Variants in SLC25A16 observed in about 807,000 individuals in gnomAD.
SLC25A16 encodes mitochondrial coenzyme A transporter SLC25A16.
In SLC25A16, 39 loss-of-function variants were observed where a neutral mutation model predicts 41.5. The observed-to-expected ratio is 0.94, with a 90% CI of 0.73 to 1.23. The LOEUF (loss-of-function observed/expected upper bound fraction) is 1.23. Ranked by LOEUF, SLC25A16 falls within the 50% of genes most tolerant of loss-of-function variation. The pLI, the probability that SLC25A16 is intolerant of heterozygous loss-of-function variation, is 0.00. For missense variants in SLC25A16, 421 were observed against 426.9 expected (o/e 0.99, Z 0.12); for synonymous variants, 146 against 147.8 (o/e 0.99, Z 0.09).
At chr10:68,503,529 C>T (rs1024327710) in intron 4 of SLC25A16, 103 bp downstream of exon 4, 1 of 681,738 alleles carries the variant, frequency 1.5e-6, no homozygotes, top group Non-Finnish European at 2.5e-6. Flanking sequence ...AGGACACCTG[C>T]AACCTGTGCT....
intron 4 of SLC25A16, among the ~76,000 whole-genome samples, chr10:68,498,323 C>CTTTT (rs55736260): frequency 4.3e-5 from 6 of 140,296 alleles, no homozygotes; most frequent in Admixed American, 2.2e-4. Context: ...TTAACTTTTT[C>CTTTT]TTTTTTTTTT....
Position 68,527,443 on chromosome 10 carries a change from A to C in SLC25A16, c.-68T>G. The C allele has an allele frequency of 7.2e-7, 1 of 1,393,108 alleles. No individual in the cohort carries two copies. The highest frequency in any genetic ancestry group is 9.3e-7 in the Non-Finnish European group (1 of 1,078,362). 86.3% of individuals were successfully genotyped at this position (1,393,108 alleles called of 1,614,324 possible). On this transcript the variant is annotated 5_prime_UTR_variant, in exon 1 of 9. Coordinates refer to ENST00000609923, the MANE Select transcript of SLC25A16 (RefSeq NM_152707.4). ...GAACACCGGACGGGACCATAGCCGG[A>C]ACAGGCGGTGACAGGAGGCTGACCG...
At position 68,483,283 on chromosome 10, in the gene SLC25A16, C is replaced by G; in HGVS notation, c.*149G>C. ...TATGGTAAGCAGTTCTGATTTGTGA[C>G]TAAAGAAAAAATAATCAAGTACTAA... On this transcript the variant is annotated 3_prime_UTR_variant, in exon 9 of 9. Coordinates refer to ENST00000609923, the MANE Select transcript of SLC25A16 (RefSeq NM_152707.4). 1.8e-6 allele frequency: 1 copy of G among 568,034 alleles called. No homozygotes were observed. 35.2% of individuals were successfully genotyped at this position (568,034 alleles called of 1,614,324 possible). A position where few individuals can be genotyped will look rare whatever the true frequency, so the allele number is the denominator to read the frequency against.
intron 1 of SLC25A16, among the ~76,000 whole-genome samples, chr10:68,525,445 T>G (rs1252925748): frequency 6.6e-6 from 1 of 152,078 alleles, no homozygotes; most frequent in Non-Finnish European, 1.5e-5. Flanking sequence ...GAATTTTTAT[T>G]GTTTGTTTTT....
intron 8 of SLC25A16, among the ~76,000 whole-genome samples, chr10:68,486,240 A>AAAAAAAAAAAAAAAAAAAAC (rs1564908736): frequency 3.4e-5 from 5 of 146,834 alleles, no homozygotes; most frequent in African/African-American, 1.3e-4. Flanking sequence ...ACAAAAAAAA[A>AAAAAAAAAAAAAAAAAAAAC]AAAAAAACAC....
At chr10:68,525,283 G>A (rs2053318528) in intron 1 of SLC25A16, among the ~76,000 whole-genome samples, 1 of 151,960 alleles carries the variant, frequency 6.6e-6, no homozygotes, top group Non-Finnish European at 1.5e-5. Context: ...TTACAGGCGA[G>A]TGCCACCACG....
At chr10:68,492,115 C>T (rs757973244) in intron 6 of SLC25A16, among the ~76,000 whole-genome samples, 26 of 152,152 alleles carry the variant, frequency 1.7e-4, no homozygotes, top group Non-Finnish European at 2.9e-4. Flanking sequence ...CCACCACACC[C>T]GGCTCCTTTT....
In SLC25A16 at chr10:68,483,338, T is replaced by A; in HGVS notation, c.*94A>T. 1.3e-6 allele frequency: 1 copy of A among 796,260 alleles called. No individual in the cohort carries two copies. Among genetic ancestry groups the A allele is most frequent in the Non-Finnish European group, 1.9e-6 (1 of 514,424 alleles). 49.3% of individuals were successfully genotyped at this position (796,260 alleles called of 1,614,324 possible). A position where few individuals can be genotyped will look rare whatever the true frequency, so the allele number is the denominator to read the frequency against. ...CCAGTGGCTCTTGTGACAGGGTAAA[T>A]ATCCCCATTCAAGTAATGTTCCCCC... is the stretch of plus-strand genomic sequence containing the variant. On this transcript the variant is annotated 3_prime_UTR_variant, in exon 9 of 9. Coordinates refer to ENST00000609923, the MANE Select transcript of SLC25A16 (RefSeq NM_152707.4).
chr10:68,515,617 G>A (rs1406559462), intron 2 of SLC25A16, among the ~76,000 whole-genome samples: 3 of 151,298 alleles, frequency 2.0e-5, no homozygotes, highest in Admixed American at 6.6e-5. Flanking sequence ...TGACCAACAT[G>A]GAGAAACCCC....
chr10:68,493,065 GAAAA>G, intron 6 of SLC25A16, 63 bp downstream of exon 6: 10 of 772,386 alleles, frequency 1.3e-5, no homozygotes, highest in South Asian at 5.0e-5. Flanking sequence ...TACCATTTCA[GAAAA>G]AAAAAAAAAA....
chr10:68,506,247 C>T (rs1341995478), intron 3 of SLC25A16, among the ~76,000 whole-genome samples: 1 of 151,998 alleles, frequency 6.6e-6, no homozygotes, highest in Non-Finnish European at 1.5e-5. Context: ...GAGTTTGAGA[C>T]AAGCCTGGCC....
chr10:68,503,547 A>G (rs553068354), intron 4 of SLC25A16, 85 bp downstream of exon 4: 230 of 845,620 alleles, frequency 2.7e-4, no homozygotes, highest in Non-Finnish European at 3.9e-4. Flanking sequence ...GCTTTCCCCA[A>G]TGGCACTCAT....
At chr10:68,504,178 G>A (rs1007374145) in intron 3 of SLC25A16, among the ~76,000 whole-genome samples, 10 of 151,260 alleles carry the variant, frequency 6.6e-5, no homozygotes, top group South Asian at 4.2e-4. Context: ...CATTACGCCC[G>A]GCTAATTTTT....
At chr10:68,500,654 G>A (rs900178368) in intron 4 of SLC25A16, among the ~76,000 whole-genome samples, 3 of 150,966 alleles carry the variant, frequency 2.0e-5, no homozygotes, top group African/African-American at 7.3e-5. Flanking sequence ...TTATAGGACA[G>A]GCACCATGGC....
At chr10:68,509,270 GA>G (rs1316024387) in intron 2 of SLC25A16, among the ~76,000 whole-genome samples, 1 of 152,076 alleles carries the variant, frequency 6.6e-6, no homozygotes, top group Non-Finnish European at 1.5e-5. Flanking sequence ...CCGGGAGGTG[GA>G]GGTTGCAGTG....
chr10:68,501,038 G>C (rs921667310), intron 4 of SLC25A16, among the ~76,000 whole-genome samples: 2 of 151,766 alleles, frequency 1.3e-5, no homozygotes, highest in Non-Finnish European at 2.9e-5. Flanking sequence ...AATCACCTGA[G>C]ATCAGGAGTT....
At chr10:68,507,070 C>CATTTTT (rs2052968699) in intron 2 of SLC25A16, among the ~76,000 whole-genome samples, 1 of 115,634 alleles carries the variant, frequency 8.6e-6, no homozygotes, top group Non-Finnish European at 1.7e-5. Flanking sequence ...ATGACCTACT[C>CATTTTT]TTTTTTTTTT....
chr10:68,487,847 C>T (rs979302689), intron 7 of SLC25A16, among the ~76,000 whole-genome samples: 2 of 150,714 alleles, frequency 1.3e-5, no homozygotes, highest in Non-Finnish European at 2.9e-5. Context: ...ACACAATATA[C>T]AAATGCAATC....
intron 2 of SLC25A16, among the ~76,000 whole-genome samples, chr10:68,509,720 T>C (rs1236215258): frequency 7.7e-6 from 1 of 130,456 alleles, no homozygotes; most frequent in Non-Finnish European, 1.7e-5. Context: ...AAAATCTATA[T>C]ATCTATCTAT....
Sources: gnomAD v4.1 joint callset for allele counts (sites outside exome capture counted in the v4.1 genomes callset) on GRCh38, gnomAD v4.1.1 for gene constraint, MANE v1.5 for transcripts, NCBI Gene and HGNC (gene_info 2026-07-23, HGNC 2026-07-21) for gene names.